The following MATCAP2 variants were observed in gnomAD, a reference collection of about 807,000 sequenced individuals.
MATCAP2 encodes putative tyrosine carboxypeptidase MATCAP2.
the MATCAP2 span, among the ~76,000 whole-genome samples, chr7:36,372,842 C>T: frequency 3.9e-5 from 6 of 152,262 alleles, no homozygotes; most frequent in South Asian, 6.2e-4. Context: ...TGGTGGCTCA[C>T]GCCTGTAATC....
At chr7:36,357,740 AT>A in the MATCAP2 span, 1 of 633,954 alleles carries the variant, frequency 1.6e-6, no homozygotes, top group South Asian at 2.2e-5. Context: ...TTAAAAGGAT[AT>A]ATTACTAAAC....
chr7:36,337,597 C>G, the MATCAP2 span: 5 of 152,072 alleles, frequency 3.3e-5, no homozygotes, highest in Non-Finnish European at 5.9e-5. Context: ...TGGCTCTGTC[C>G]TCTTCTGGCT....
the MATCAP2 span, among the ~76,000 whole-genome samples, chr7:36,344,213 T>C: frequency 1.5e-3 from 233 of 152,046 alleles, 3 homozygotes; most frequent in East Asian, 0.025. Flanking sequence ...CTCCCTAGAG[T>C]AAATGACTAA....
chr7:36,385,290 G>C, the MATCAP2 span, among the ~76,000 whole-genome samples: 1 of 152,122 alleles, frequency 6.6e-6, no homozygotes, highest in Non-Finnish European at 1.5e-5. Context: ...AATCAGAAGA[G>C]GATTTTCTTT....
chr7:36,366,890 C>T, the MATCAP2 span: 1 of 1,472,904 alleles, frequency 6.8e-7, no homozygotes, highest in East Asian at 2.7e-5. Context: ...GCACCCCCGC[C>T]GCGGCCAGCC....
the MATCAP2 span, chr7:36,357,574 A>G: frequency 6.2e-7 from 1 of 1,605,786 alleles, no homozygotes; most frequent in Admixed American, 1.7e-5. Flanking sequence ...GTTCTTGCTC[A>G]GGCCAGTGAA....
At chr7:36,385,658 C>T in the MATCAP2 span, among the ~76,000 whole-genome samples, 1 of 152,054 alleles carries the variant, frequency 6.6e-6, no homozygotes, top group East Asian at 1.9e-4. Context: ...TGGTGGCATG[C>T]ACCTGTTGTC....
At chr7:36,358,185 G>A in the MATCAP2 span, among the ~76,000 whole-genome samples, 1 of 151,022 alleles carries the variant, frequency 6.6e-6, no homozygotes, top group African/African-American at 2.4e-5. Context: ...GTGACAGAGT[G>A]AGACCCTATC....
At chr7:36,331,127 C>T in the MATCAP2 span, 1 of 1,136,124 alleles carries the variant, frequency 8.8e-7, no homozygotes. Context: ...AGAAAAATTA[C>T]TAAGTAGATA....
At chr7:36,344,777 T>C in the MATCAP2 span, among the ~76,000 whole-genome samples, 1 of 152,234 alleles carries the variant, frequency 6.6e-6, no homozygotes, top group Non-Finnish European at 1.5e-5. Flanking sequence ...ACAGTTGGTA[T>C]ATTTTGCATT....
the MATCAP2 span, chr7:36,326,606 G>A: frequency 1.8e-6 from 1 of 567,394 alleles, no homozygotes; most frequent in East Asian, 3.0e-5. Context: ...TTTAAGATCT[G>A]TACTTAACCT....
the MATCAP2 span, among the ~76,000 whole-genome samples, chr7:36,352,604 G>C: frequency 9.9e-5 from 15 of 152,036 alleles, no homozygotes; most frequent in South Asian, 2.9e-3. Context: ...GAGGTGGGTG[G>C]ATCACTTGAG....
the MATCAP2 span, among the ~76,000 whole-genome samples, chr7:36,330,582 A>C: frequency 1.3e-5 from 2 of 152,208 alleles, no homozygotes; most frequent in Non-Finnish European, 2.9e-5. Flanking sequence ...AGTGGACTCT[A>C]TTTTAGATGT....
chr7:36,367,045 G>C, the MATCAP2 span: 2 of 1,275,260 alleles, frequency 1.6e-6, no homozygotes, highest in South Asian at 3.0e-5. Context: ...TGGCGGGGGC[G>C]CGGCGGGAGG....
chr7:36,343,289 G>A, the MATCAP2 span, among the ~76,000 whole-genome samples: 3 of 141,356 alleles, frequency 2.1e-5, no homozygotes, highest in South Asian at 7.4e-4. Flanking sequence ...CCAGGAGTTT[G>A]AGTTCAAGAC....
At chr7:36,375,153 C>A in the MATCAP2 span, among the ~76,000 whole-genome samples, 1 of 152,184 alleles carries the variant, frequency 6.6e-6, no homozygotes, top group African/African-American at 2.4e-5. Context: ...TATACTCCCA[C>A]CAACAGTGTA....
the MATCAP2 span, among the ~76,000 whole-genome samples, chr7:36,335,425 C>T: frequency 6.7e-4 from 102 of 152,266 alleles, 1 homozygote; most frequent in African/African-American, 2.3e-3. Flanking sequence ...GAGGAAGACA[C>T]GAAGGACTTA....
chr7:36,373,361 A>G, the MATCAP2 span, among the ~76,000 whole-genome samples: 4 of 152,300 alleles, frequency 2.6e-5, no homozygotes, highest in African/African-American at 9.6e-5. Context: ...GCCTCTGAGA[A>G]AGTACCTTTG....
the MATCAP2 span, chr7:36,331,000 C>T: frequency 3.7e-6 from 6 of 1,611,218 alleles, no homozygotes; most frequent in Non-Finnish European, 5.1e-6. Context: ...GAGCAGTCAG[C>T]AGATGGAAGT....
Sources: gnomAD v4.1 joint callset for allele counts (sites outside exome capture counted in the v4.1 genomes callset) on GRCh38, gnomAD v4.1.1 for gene constraint, MANE v1.5 for transcripts, NCBI Gene and HGNC (gene_info 2026-07-23, HGNC 2026-07-21) for gene names.